Variants in HFM1 observed in about 807,000 individuals in gnomAD.
HFM1 encodes probable ATP-dependent DNA helicase HFM1.
In HFM1, 169 loss-of-function variants were observed where a neutral mutation model predicts 192.1. That is an observed-to-expected ratio of 0.88 (90% CI 0.78 to 1.00). The LOEUF is 1.00. HFM1 is among the 50% of genes least tolerant of loss of function. HFM1 has a pLI of 0.00. For synonymous variants in HFM1, 525 were observed against 537.8 expected, an observed-to-expected ratio of 0.98 and a Z score of 0.33; for missense variants, 1,661 against 1,668.0, an observed-to-expected ratio of 1.00 and a Z score of 0.07.
rs773613009 is a variant in HFM1, at chr1:91,328,285, T to A, written c.2336-3519A>T. 240 of 961,714 alleles carry A rather than the reference T, an allele frequency of 2.5e-4. 1 individual carries two copies. The highest frequency in any genetic ancestry group is 3.4e-4 in the Non-Finnish European group (233 of 675,660). 59.6% of individuals were successfully genotyped at this position (961,714 alleles called of 1,614,324 possible). ...CCGCAGCTAAGCTGAGGGGGGAAAGTGGGCTTAGGACCGCCTGCCCAGGGC... is the reference window on the plus strand; with the variant it reads ...CCGCAGCTAAGCTGAGGGGGGAAAGAGGGCTTAGGACCGCCTGCCCAGGGC... On this transcript the variant is annotated intron_variant, in intron 20 of 38. Transcript: ENST00000370425.
intron 1 of HFM1, among the ~76,000 whole-genome samples, chr1:91,402,540 G>A (rs1428987888): frequency 3.3e-5 from 5 of 152,108 alleles, no homozygotes; most frequent in Admixed American, 2.0e-4. Context: ...AGAAGCCTAG[G>A]ATAATAGGGC....
At chr1:91,285,567 GT>G (rs1369816379) in intron 30 of HFM1, among the ~76,000 whole-genome samples, 1 of 152,006 alleles carries the variant, frequency 6.6e-6, no homozygotes, top group African/African-American at 2.4e-5. Flanking sequence ...TGTATGTTAG[GT>G]TTAGAGGTAT....
upstream of HFM1, among the ~76,000 whole-genome samples, chr1:91,405,931 A>G (rs1303810481): frequency 6.6e-6 from 1 of 152,254 alleles, no homozygotes; most frequent in East Asian, 1.9e-4. Flanking sequence ...CATAGACTGC[A>G]TAGAGGAAAA....
In HFM1 at chr1:91,375,407, C is replaced by G; in HGVS notation, c.1636G>C (p.Val546Leu). ...ATAAATTTAGCATCTTTCACAAGAA[C>G]AGAAGCAGCCTGTTGCACACCCTTC... ...TRKGVQQAAS[V>L]LVKDAKFIMT... The change falls in exon 13 of 39, where the codon GTT becomes CTT. Residue 546 changes from valine (V) to leucine (L), a missense_variant. By Grantham distance (32) the Val-to-Leu change is conservative. Coordinates refer to ENST00000370425, the MANE Select transcript of HFM1 (RefSeq NM_001017975.6). The G allele has an allele frequency of 6.2e-7, 1 of 1,613,094 alleles. No homozygotes were observed. The highest frequency in any genetic ancestry group is 8.5e-7 in the Non-Finnish European group (1 of 1,179,400).
intron 30 of HFM1, among the ~76,000 whole-genome samples, chr1:91,282,890 G>A (rs1317345997): frequency 6.6e-6 from 1 of 152,134 alleles, no homozygotes; most frequent in Non-Finnish European, 1.5e-5. Context: ...CCACAAGGTG[G>A]TGCACAATGA....
intron 20 of HFM1, among the ~76,000 whole-genome samples, chr1:91,343,229 T>TAAA (rs1655616417): frequency 4.3e-3 from 11 of 2,568 alleles, no homozygotes; most frequent in African/African-American, 0.018. Context: ...AGACTCTGTC[T>TAAA]CAAAAAAAAA....
chr1:91,386,033 A>G (rs1662171025), intron 4 of HFM1, among the ~76,000 whole-genome samples, 199 bp from the exon 5 acceptor site: 1 of 152,174 alleles, frequency 6.6e-6, no homozygotes, highest in Non-Finnish European at 1.5e-5. Flanking sequence ...AAACTCAGAT[A>G]AATCCATTTG....
intron 30 of HFM1, among the ~76,000 whole-genome samples, chr1:91,310,029 G>A (rs186784340): frequency 6.6e-6 from 1 of 151,856 alleles, no homozygotes; most frequent in Admixed American, 6.6e-5. Flanking sequence ...ACTCTGCATA[G>A]CAAAGAAGCT....
In HFM1 at chr1:91,350,774, G is replaced by C; in HGVS notation, c.2170C>G (p.Leu724Val). The C allele has an allele frequency of 6.2e-7, 1 of 1,611,378 alleles. No homozygotes were observed. The highest frequency in any genetic ancestry group is 8.5e-7 in the Non-Finnish European group (1 of 1,178,626). The change falls in exon 18 of 39, where the codon CTT (leucine) becomes GTT (valine). Residue 724 changes from leucine to valine, a missense_variant. Transcript: ENST00000370425. ...GGATTTTTCAAGGCTCTGATATAAA[G>C]CAGAGTTGATCGTATCCATTCCACA... ...IAVEWIRSTL[L>V]YIRALKNPSH...
chr1:91,397,142 T>C (rs921804934), intron 2 of HFM1, among the ~76,000 whole-genome samples: 1 of 152,258 alleles, frequency 6.6e-6, no homozygotes, highest in Non-Finnish European at 1.5e-5. Context: ...GGGACCGTTG[T>C]TCTAGAGTAT....
intron 3 of HFM1, among the ~76,000 whole-genome samples, chr1:91,394,969 C>T (rs1433383460): frequency 6.6e-6 from 1 of 151,820 alleles, no homozygotes; most frequent in Non-Finnish European, 1.5e-5. Flanking sequence ...CTTAAATTTG[C>T]TTTAGCATCT....
intron 8 of HFM1, 55 bp downstream of exon 8, chr1:91,380,049 C>T: frequency 1.2e-6 from 1 of 826,106 alleles, no homozygotes; most frequent in Non-Finnish European, 1.7e-6. Flanking sequence ...CTTCATTTTG[C>T]TTCAATGGTT....
chr1:91,337,774 G>A (rs558832232), intron 20 of HFM1, among the ~76,000 whole-genome samples: 30 of 152,308 alleles, frequency 2.0e-4, no homozygotes, highest in African/African-American at 7.0e-4. Context: ...GCATGAAGAT[G>A]ACTGTGTGCA....
At chr1:91,330,614 A>G (rs1403683594) in intron 20 of HFM1, among the ~76,000 whole-genome samples, 2 of 152,206 alleles carry the variant, frequency 1.3e-5, no homozygotes, top group East Asian at 3.8e-4. Context: ...AACTGTTTCA[A>G]AAAATAGAGG....
intron 34 of HFM1, 46 bp downstream of exon 34, chr1:91,273,666 A>AATT (rs747536389): frequency 1.0e-6 from 1 of 958,990 alleles, no homozygotes; most frequent in Admixed American, 1.9e-5. Context: ...ATTCAAAGTA[A>AATT]TAATAAGCCA....
At chr1:91,309,848 GA>G (rs5776094) in intron 30 of HFM1, among the ~76,000 whole-genome samples, 151,786 of 151,978 alleles carry the variant, frequency 1, 75,797 homozygotes, top group East Asian at 1. Flanking sequence ...CTCCATGCAT[GA>G]AAAAAATCTA....
At chr1:91,343,766 G>C (rs1032189597) in intron 19 of HFM1, among the ~76,000 whole-genome samples, 12 of 151,992 alleles carry the variant, frequency 7.9e-5, no homozygotes, top group African/African-American at 2.4e-4. Context: ...CTTAAAACTT[G>C]GAGTATTTAA....
intron 25 of HFM1, among the ~76,000 whole-genome samples, chr1:91,317,001 G>A (rs1651329428): frequency 6.6e-6 from 1 of 152,086 alleles, no homozygotes; most frequent in South Asian, 2.1e-4. Context: ...TTTCCTTACT[G>A]GAGCCAAATT....
chr1:91,378,029 T>G lies in HFM1; in HGVS notation c.1391A>C (p.Glu464Ala), dbSNP rs1167544910. 1 of 1,610,608 alleles carries G rather than the reference T, an allele frequency of 6.2e-7. No individual in the cohort carries two copies. Among genetic ancestry groups the G allele is most frequent in the Admixed American group, 1.7e-5 (1 of 59,522 alleles). ...TCAGTTAAAATTGTAACTCACATCC[T>G]CAGCATTTGGAATTGTTGCAGATAC... ...VAVSATIPNA[E>A]DIAEWLSDGE... Residue 464 changes from glutamate (E) to alanine (A), a missense_variant, in exon 11 of 39, where the codon GAG (glutamate) becomes GCG (alanine). Coordinates refer to ENST00000370425, the MANE Select transcript of HFM1 (RefSeq NM_001017975.6).
Sources: allele counts gnomAD v4.1 joint callset (sites outside exome capture counted in the v4.1 genomes callset), GRCh38; gene constraint gnomAD v4.1.1; transcripts MANE v1.5; gene names NCBI Gene and HGNC (gene_info 2026-07-23, HGNC 2026-07-21).